FEZ1: variants seen among roughly 807,000 people sequenced by gnomAD.
FEZ1 encodes the protein fasciculation and elongation protein zeta 1.
In FEZ1, 20 loss-of-function variants were observed where a neutral mutation model predicts 49.3. The observed-to-expected ratio is 0.41, with a 90% CI of 0.29 to 0.59. FEZ1 has a LOEUF of 0.59. Among genes scored for constraint, FEZ1 ranks in the 20% least tolerant of loss-of-function variants. The probability of loss-of-function intolerance (pLI) is 0.36; values close to 1 mark genes in which losing one functional copy is unlikely to be tolerated. For synonymous variants in FEZ1, 170 were observed against 180.9 expected (o/e 0.94, Z 0.48); for missense variants, 413 against 476.0 (o/e 0.87, Z 1.23).
At chr11:125,487,379 A>G (rs1957334281) in intron 2 of FEZ1, among the ~76,000 whole-genome samples, 1 of 152,196 alleles carries the variant, frequency 6.6e-6, no homozygotes, top group Non-Finnish European at 1.5e-5. Context: ...ACAGTCAACC[A>G]GGGTTAAATG....
At chr11:125,457,680 A>G (rs1322211835) in intron 5 of FEZ1, among the ~76,000 whole-genome samples, 1 of 151,902 alleles carries the variant, frequency 6.6e-6, no homozygotes, top group Non-Finnish European at 1.5e-5. Flanking sequence ...TATGGAGCAC[A>G]TGAGATGTTT....
chr11:125,483,365 T>TAATGAATAAG (rs1158720185), intron 2 of FEZ1, among the ~76,000 whole-genome samples: 1 of 152,200 alleles, frequency 6.6e-6, no homozygotes, highest in Non-Finnish European at 1.5e-5. Context: ...ATCTGCTTAT[T>TAATGAATAAG]CATTATTTTC....
At chr11:125,458,657 C>A (rs868142429) in intron 5 of FEZ1, among the ~76,000 whole-genome samples, 5 of 152,280 alleles carry the variant, frequency 3.3e-5, no homozygotes, top group African/African-American at 1.2e-4. Flanking sequence ...TAGATTAAAT[C>A]TTTAAAATAA....
chr11:125,493,508 G>A (rs7126802), intron 1 of FEZ1, among the ~76,000 whole-genome samples: 42,878 of 64,172 alleles, frequency 0.67, 15,132 homozygotes, highest in East Asian at 0.72. Context: ...GAAAGAAAGA[G>A]AGAAAGAAAG....
At chr11:125,465,590 T>A (rs559418839) in intron 3 of FEZ1, among the ~76,000 whole-genome samples, 2 of 152,344 alleles carry the variant, frequency 1.3e-5, no homozygotes, top group South Asian at 4.1e-4. Flanking sequence ...CCTACTCTTA[T>A]GGGAACCATA....
At position 125,489,968 on chromosome 11, in the gene FEZ1, G is replaced by T; in HGVS notation, c.-45-146C>A. 1 of 662,834 alleles carries T rather than the reference G, an allele frequency of 1.5e-6. No homozygotes were observed. Among genetic ancestry groups the T allele is most frequent in the Non-Finnish European group, 2.3e-6 (1 of 433,848 alleles). The allele number at this position is 662,834 out of a possible 1,614,324, so 41.1% of individuals were successfully genotyped here. On this transcript the variant is annotated intron_variant, in intron 1 of 9. Coordinates refer to ENST00000278919, the MANE Select transcript of FEZ1 (RefSeq NM_005103.5). This position sits in a 1 kb window ranked among gnomAD's most constrained non-coding sequence, Gnocchi z 4.2. ...CGAAGCTCCTGGACAAGATCGTCTA[G>T]GTTTGCATTCTGTTCTGTCCTACCA... is the stretch of plus-strand genomic sequence containing the variant.
At position 125,464,640 on chromosome 11, in the gene FEZ1, T is replaced by C. The variant is rs564381680; in HGVS notation, c.412-1070A>G. Among the ~76,000 whole-genome samples the C allele has an allele frequency of 2.0e-5, 3 of 152,388 alleles. No individual in the cohort carries two copies. In the East Asian group the frequency reaches 5.8e-4, roughly 29 times the overall value. ...ATCCTCAGAAACTTCTCCCGTCTTC[T>C]GTGAGCTTTGCCTTGGCAGACATCC... On this transcript the variant is annotated intron_variant, in intron 3 of 9. Transcript: ENST00000278919.
intron 3 of FEZ1, among the ~76,000 whole-genome samples, chr11:125,474,277 AT>A (rs1291494398): frequency 6.8e-6 from 1 of 147,006 alleles, no homozygotes; most frequent in African/African-American, 2.5e-5. Flanking sequence ...TGACCTCGTG[AT>A]CCACCCACCT....
At chr11:125,452,560 C>T in intron 7 of FEZ1, 151 bp from the exon 8 acceptor site, 1 of 593,212 alleles carries the variant, frequency 1.7e-6, no homozygotes, top group Non-Finnish European at 3.1e-6. Context: ...GAACTTCTTA[C>T]CCCTCTTTAG....
intron 3 of FEZ1, among the ~76,000 whole-genome samples, chr11:125,470,911 A>G (rs1012995421): frequency 6.6e-6 from 1 of 152,204 alleles, no homozygotes; most frequent in Admixed American, 6.5e-5. Flanking sequence ...TGGAGTATAT[A>G]ATGTAGATTG....
intron 3 of FEZ1, among the ~76,000 whole-genome samples, chr11:125,468,819 T>C (rs1049588654): frequency 4.6e-5 from 7 of 152,190 alleles, no homozygotes; most frequent in African/African-American, 1.7e-4. Flanking sequence ...GGCGGGGCTA[T>C]GTAAGGAAGA....
At chr11:125,460,860 G>A (rs1459999156) in intron 4 of FEZ1, among the ~76,000 whole-genome samples, 194 bp from the exon 5 acceptor site, 1 of 152,122 alleles carries the variant, frequency 6.6e-6, no homozygotes, top group Non-Finnish European at 1.5e-5. Context: ...TTAATGTAAG[G>A]CACTCTTTAA....
At chr11:125,462,865 T>A (rs1343479609) in intron 4 of FEZ1, among the ~76,000 whole-genome samples, 1 of 151,442 alleles carries the variant, frequency 6.6e-6, no homozygotes, top group African/African-American at 2.4e-5. Flanking sequence ...CTGGGCATAG[T>A]GATGCATGCC....
intron 2 of FEZ1, among the ~76,000 whole-genome samples, chr11:125,483,536 T>C (rs528107669): frequency 6.6e-6 from 1 of 152,222 alleles, no homozygotes; most frequent in African/African-American, 2.4e-5. Flanking sequence ...TAAATCCAAG[T>C]GCCATTAGCA....
At chr11:125,493,340 AG>A in intron 1 of FEZ1, among the ~76,000 whole-genome samples, 4 of 142,908 alleles carry the variant, frequency 2.8e-5, no homozygotes, top group Admixed American at 1.5e-4. Flanking sequence ...ATCTCAAGAA[AG>A]AAAGAAAGAA....
At chr11:125,455,633 T>C in intron 6 of FEZ1, 1 of 657,214 alleles carries the variant, frequency 1.5e-6, no homozygotes, top group Non-Finnish European at 2.7e-6. Flanking sequence ...ACTGTCTTCC[T>C]GGGTTAGACT....
chr11:125,471,445 C>T (rs1481651511), intron 3 of FEZ1, among the ~76,000 whole-genome samples: 2 of 151,854 alleles, frequency 1.3e-5, no homozygotes, highest in East Asian at 3.9e-4. Context: ...CACACACACA[C>T]ACACACACAC....
chr11:125,463,005 G>GA (rs112179481), intron 4 of FEZ1, among the ~76,000 whole-genome samples: 112 of 106,140 alleles, frequency 1.1e-3, no homozygotes, highest in Middle Eastern at 9.4e-3. Context: ...GTCTCAAAAT[G>GA]AAAAAAAAAA....
At chr11:125,493,437 A>G (rs1399799851) in intron 1 of FEZ1, among the ~76,000 whole-genome samples, 12 of 41,142 alleles carry the variant, frequency 2.9e-4, no homozygotes, top group Middle Eastern at 7.8e-3. Context: ...AAAGAAGGAA[A>G]GAAGGAAAGA....
Sources: allele counts gnomAD v4.1 joint callset (sites outside exome capture counted in the v4.1 genomes callset), GRCh38; gene constraint gnomAD v4.1.1; non-coding constraint Gnocchi (gnomAD v3.1); transcripts MANE v1.5; gene names NCBI Gene and HGNC (gene_info 2026-07-23, HGNC 2026-07-21).